The following DPP6 variants were observed in gnomAD, a reference collection of about 807,000 sequenced individuals.
DPP6 encodes A-type potassium channel modulatory protein DPP6.
Under a neutral mutation model 122.6 loss-of-function variants are expected in DPP6, and 69 were observed. That is an observed-to-expected ratio of 0.56 (90% confidence interval 0.46 to 0.69). The LOEUF is 0.69. DPP6 is among the 30% of genes least tolerant of loss of function. The pLI, the probability that DPP6 is intolerant of heterozygous loss-of-function variation, is 0.00. For missense variants in DPP6, 928 were observed against 1,116.9 expected (o/e 0.83, Z 2.41); for synonymous variants, 418 against 433.1 (o/e 0.97, Z 0.43).
intron 1 of DPP6, among the ~76,000 whole-genome samples, chr7:154,019,324 C>A (rs1338705194): frequency 5.9e-5 from 9 of 152,106 alleles, no homozygotes; most frequent in Non-Finnish European, 1.3e-4. Context: ...AAATATTTAT[C>A]TGCCTCTACC....
chr7:154,109,571 C>T (rs1397295909), intron 1 of DPP6, among the ~76,000 whole-genome samples: 2 of 152,208 alleles, frequency 1.3e-5, no homozygotes, highest in Non-Finnish European at 1.5e-5. Flanking sequence ...GGATTACAGG[C>T]GTGAGCCACC....
At chr7:153,841,875 C>T in the DPP6 span, among the ~76,000 whole-genome samples, 9 of 152,240 alleles carry the variant, frequency 5.9e-5, no homozygotes, top group South Asian at 4.2e-4. Flanking sequence ...TCTTTCTATG[C>T]GTTATATTCG....
intron 1 of DPP6, among the ~76,000 whole-genome samples, chr7:154,115,626 G>T (rs1355193478): frequency 6.6e-6 from 1 of 152,194 alleles, no homozygotes; most frequent in African/African-American, 2.4e-5. Context: ...TCCTGCCATT[G>T]CTACTGATGA....
intron 1 of DPP6, among the ~76,000 whole-genome samples, chr7:154,227,228 A>ACACACACACACACACACACACC (rs1443310749): frequency 4.0e-5 from 6 of 151,778 alleles, no homozygotes; most frequent in African/African-American, 1.5e-4. Flanking sequence ...ACACACACAC[A>ACACACACACACACACACACACC]CACCCCTAGG....
chr7:154,730,824 TTAAAA>T (rs1842303263), intron 8 of DPP6, among the ~76,000 whole-genome samples: 1 of 152,356 alleles, frequency 6.6e-6, no homozygotes, highest in East Asian at 1.9e-4. Context: ...ACCAGGAGAT[TTAAAA>T]TATCTTTTTT....
chr7:153,894,355 C>T (rs1467497056), intron 1 of DPP6, among the ~76,000 whole-genome samples: 4 of 152,166 alleles, frequency 2.6e-5, no homozygotes, highest in African/African-American at 7.2e-5. Flanking sequence ...AGCAAGACCA[C>T]ATTTTAGAAC....
At chr7:154,116,354 G>A (rs562642803) in intron 1 of DPP6, among the ~76,000 whole-genome samples, 28 of 152,258 alleles carry the variant, frequency 1.8e-4, no homozygotes, top group Admixed American at 1.1e-3. Flanking sequence ...TTGATCTTTA[G>A]AAATCAGGGT....
At chr7:154,401,135 TG>T (rs919563994) in intron 1 of DPP6, among the ~76,000 whole-genome samples, 1 of 150,338 alleles carries the variant, frequency 6.7e-6, no homozygotes, top group Admixed American at 6.7e-5. Context: ...AGGTGTAGGG[TG>T]CAGTGAGCCA....
intron 1 of DPP6, among the ~76,000 whole-genome samples, chr7:153,933,064 C>T (rs540256447): frequency 2.6e-5 from 4 of 152,162 alleles, no homozygotes; most frequent in Non-Finnish European, 4.4e-5. Flanking sequence ...CACCTTCTGC[C>T]GTGATTTTGA....
intron 1 of DPP6, among the ~76,000 whole-genome samples, chr7:154,163,197 C>G (rs539136341): frequency 2.6e-5 from 4 of 151,488 alleles, no homozygotes; most frequent in Non-Finnish European, 4.4e-5. Context: ...GTCTGACTAG[C>G]GTTGAGTGGA....
chr7:154,258,045 A>C (rs1231263768), intron 1 of DPP6, among the ~76,000 whole-genome samples: 1 of 152,052 alleles, frequency 6.6e-6, no homozygotes, highest in Non-Finnish European at 1.5e-5. Flanking sequence ...TGAAAAGCCA[A>C]AGGCACCACT....
intron 1 of DPP6, among the ~76,000 whole-genome samples, chr7:154,328,852 A>G (rs2151032936): frequency 6.6e-6 from 1 of 152,272 alleles, no homozygotes; most frequent in East Asian, 1.9e-4. Context: ...CCAGAGCCAA[A>G]ACCTTGGGAA....
intron 1 of DPP6, among the ~76,000 whole-genome samples, chr7:153,953,114 C>T (rs917362440): frequency 6.6e-6 from 1 of 152,140 alleles, no homozygotes; most frequent in Non-Finnish European, 1.5e-5. Flanking sequence ...CCTTGAAAAC[C>T]ACTGAAAATA....
At chr7:154,190,574 G>A (rs1338063479) in intron 1 of DPP6, among the ~76,000 whole-genome samples, 1 of 152,102 alleles carries the variant, frequency 6.6e-6, no homozygotes, top group East Asian at 1.9e-4. Flanking sequence ...ATATGTTCAG[G>A]AACTCAGCTG....
In DPP6 at chr7:154,011,966, A is replaced by G. The variant is rs562541449; in HGVS notation, c.51+124232A>G. 5.3e-5 allele frequency among the ~76,000 whole-genome samples: 8 copies of G among 152,340 alleles called. No individual in the cohort carries two copies. The South Asian group carries it at 1.2e-3, about 24-fold the overall frequency. On this transcript the variant is annotated intron_variant, in intron 1 of 25. Coordinates refer to the DPP6 transcript ENST00000404039. ...TGTTTTTATGATGAAACTGTACAAA[A>G]TGATAGAACAATAACAATGTCAAAA...
At chr7:154,402,042 A>C (rs1815659237) in intron 1 of DPP6, among the ~76,000 whole-genome samples, 1 of 152,128 alleles carries the variant, frequency 6.6e-6, no homozygotes, top group African/African-American at 2.4e-5. Flanking sequence ...TCAAAACCAC[A>C]ATGAGATGCC....
intron 7 of DPP6, among the ~76,000 whole-genome samples, chr7:154,677,505 C>G (rs144146948): frequency 6.6e-6 from 1 of 152,294 alleles, no homozygotes; most frequent in African/African-American, 2.4e-5. Context: ...TTCAAAATGT[C>G]AGTAATTCAA....
At chr7:154,634,857 T>C (rs1027574593) in intron 5 of DPP6, among the ~76,000 whole-genome samples, 2 of 152,234 alleles carry the variant, frequency 1.3e-5, no homozygotes, top group Admixed American at 6.5e-5. Context: ...TGTAAAGATG[T>C]AACTCTAGGT....
chr7:154,540,654 A>T, intron 4 of DPP6, 28 bp downstream of exon 4: 1 of 1,379,008 alleles, frequency 7.3e-7, no homozygotes, highest in South Asian at 1.4e-5. Flanking sequence ...TGACCGGGAT[A>T]ATTTCAGTTT....
Sources: allele counts gnomAD v4.1 joint callset (sites outside exome capture counted in the v4.1 genomes callset), GRCh38; gene constraint gnomAD v4.1.1; transcripts MANE v1.5; gene names NCBI Gene and HGNC (gene_info 2026-07-23, HGNC 2026-07-21).